APLF: variants seen among roughly 807,000 people sequenced by gnomAD.
The protein encoded by APLF is aprataxin and PNK-like factor.
In APLF, 61 loss-of-function variants were observed where a neutral mutation model predicts 55.6. That is an observed-to-expected ratio of 1.10 (90% confidence interval 0.89 to 1.36). APLF has a LOEUF of 1.36. Among genes scored for constraint, APLF ranks in the 40% most tolerant of loss-of-function variants. The pLI is 0.00. For synonymous variants in APLF, 207 were observed against 214.8 expected, an observed-to-expected ratio of 0.96 and a Z score of 0.32; for missense variants, 611 against 602.5, an observed-to-expected ratio of 1.01 and a Z score of -0.15.
chr2:68,559,648 A>G (rs1671112941), intron 8 of APLF, among the ~76,000 whole-genome samples: 1 of 151,842 alleles, frequency 6.6e-6, no homozygotes, highest in African/African-American at 2.4e-5. Flanking sequence ...TGCCATTCCA[A>G]CCTTTAAAAT....
chr2:68,527,785 G>A (rs188487407), intron 6 of APLF, among the ~76,000 whole-genome samples: 328 of 150,488 alleles, frequency 2.2e-3, no homozygotes, highest in African/African-American at 7.5e-3. Flanking sequence ...GAGGGCGGGG[G>A]CCGGGCAGAG....
intron 8 of APLF, among the ~76,000 whole-genome samples, chr2:68,556,431 G>A (rs1671013169): frequency 6.6e-6 from 1 of 152,170 alleles, no homozygotes; most frequent in Admixed American, 6.5e-5. Context: ...CTGTTTATCA[G>A]AAGACTCACT....
intron 8 of APLF, among the ~76,000 whole-genome samples, chr2:68,557,060 T>G (rs1031071542): frequency 1.3e-5 from 2 of 152,202 alleles, no homozygotes; most frequent in African/African-American, 4.8e-5. Flanking sequence ...AATGTTATCT[T>G]AATTGACAGA....
intron 8 of APLF, among the ~76,000 whole-genome samples, chr2:68,563,515 C>G (rs1671219638): frequency 1.3e-5 from 2 of 151,964 alleles, no homozygotes; most frequent in African/African-American, 2.4e-5. Context: ...GAACCCCACT[C>G]CCCCACTTTG....
rs114391098 is a variant in APLF at position 68,537,959 on chromosome 2, A to G, written c.892A>G (p.Ile298Val). 1.1e-5 allele frequency: 18 copies of G among 1,613,862 alleles called. No individual in the cohort carries two copies. The African/African-American group carries it at 1.9e-4, about 17-fold the overall frequency. Residue 298 changes from isoleucine (I) to valine (V), a missense_variant, in exon 7 of 10, where the codon ATA (isoleucine) becomes GTA (valine). Physicochemically the swap from Ile to Val is conservative, Grantham distance 29. Transcript: ENST00000303795. ...KTNAQRNKLPIEELGKVSKHK... is the reference protein window; with the variant it reads ...KTNAQRNKLPVEELGKVSKHK... ...TAATGCACAGAGAAACAAACTTCCAATAGAGGAACTTGGTAAAGTTTCTAA... is the reference window on the plus strand; with the variant it reads ...TAATGCACAGAGAAACAAACTTCCAGTAGAGGAACTTGGTAAAGTTTCTAA...
At chr2:68,481,017 A>G (rs1321393575) in intron 1 of APLF, among the ~76,000 whole-genome samples, 1 of 151,860 alleles carries the variant, frequency 6.6e-6, no homozygotes, top group Non-Finnish European at 1.5e-5. Flanking sequence ...GTTTGCTAGT[A>G]TTTTTTTGAG....
chr2:68,570,792 T>G (rs1457547464), intron 9 of APLF, among the ~76,000 whole-genome samples: 5 of 152,262 alleles, frequency 3.3e-5, no homozygotes, highest in African/African-American at 7.2e-5. Flanking sequence ...ATGATTTATA[T>G]TCCTTTGGGT....
chr2:68,568,344 T>G, intron 9 of APLF: 1 of 977,722 alleles, frequency 1.0e-6, no homozygotes, highest in Non-Finnish European at 1.2e-6. Flanking sequence ...AGCTGACTTG[T>G]AATCAAGTAA....
intron 2 of APLF, among the ~76,000 whole-genome samples, chr2:68,493,152 A>T (rs75275544): frequency 6.6e-6 from 1 of 152,148 alleles, no homozygotes; most frequent in Non-Finnish European, 1.5e-5. Context: ...CTAATTGATG[A>T]TCTGTCTTAA....
At chr2:68,539,292 G>T (rs186992990) in intron 7 of APLF, among the ~76,000 whole-genome samples, 23 of 152,268 alleles carry the variant, frequency 1.5e-4, no homozygotes, top group Admixed American at 1.4e-3. Context: ...ACCAGATTGG[G>T]TGCTTAAAAA....
Position 68,579,335 on chromosome 2 carries a change from T to A in APLF, c.*1313T>A, listed in dbSNP as rs1223631039. ...TTGGGAACTATTTTTCCCCTTATAATGTCCCTTTAGCCTTGGTAGTATAAC... is the reference window on the plus strand; with the variant it reads ...TTGGGAACTATTTTTCCCCTTATAAAGTCCCTTTAGCCTTGGTAGTATAAC... On this transcript the variant is annotated 3_prime_UTR_variant, in exon 10 of 10. Transcript: ENST00000303795. The A allele has an allele frequency of 2.1e-6, 2 of 949,530 alleles. No homozygotes were observed. The highest frequency in any genetic ancestry group is 1.2e-4 in the Admixed American group (2 of 16,178). 58.8% of individuals were successfully genotyped at this position (949,530 alleles called of 1,614,324 possible). A position where few individuals can be genotyped will look rare whatever the true frequency, so the allele number is the denominator to read the frequency against.
At chr2:68,476,259 G>A (rs974326556) in intron 1 of APLF, among the ~76,000 whole-genome samples, 1 of 152,020 alleles carries the variant, frequency 6.6e-6, no homozygotes, top group Admixed American at 6.6e-5. Context: ...GCCGAGACGG[G>A]CAGATCACCT....
intron 1 of APLF, among the ~76,000 whole-genome samples, chr2:68,488,583 A>G (rs977976288): frequency 6.6e-6 from 1 of 151,894 alleles, no homozygotes; most frequent in South Asian, 2.1e-4. Context: ...GAGTCTTCCC[A>G]CTTCAGCCTC....
At chr2:68,526,036 T>TC (rs1670036318) in intron 5 of APLF, 25 bp from the exon 6 acceptor site, 3 of 1,568,432 alleles carry the variant, frequency 1.9e-6, no homozygotes, top group Non-Finnish European at 2.6e-6. Context: ...AAGATAATTT[T>TC]CTTCTTTTTC....
chr2:68,488,225 A>G (rs1676244180), intron 1 of APLF, among the ~76,000 whole-genome samples: 1 of 152,108 alleles, frequency 6.6e-6, no homozygotes, highest in South Asian at 2.1e-4. Flanking sequence ...TTGGTACCCA[A>G]GTCAGAAATA....
chr2:68,525,809 G>A (rs1670027250), intron 5 of APLF, among the ~76,000 whole-genome samples: 1 of 132,170 alleles, frequency 7.6e-6, no homozygotes, highest in Admixed American at 8.5e-5. Flanking sequence ...GAGTGCAGTG[G>A]TGTGATCTCG....
intron 8 of APLF, among the ~76,000 whole-genome samples, chr2:68,553,006 A>G (rs1670908340): frequency 6.6e-6 from 1 of 152,106 alleles, no homozygotes; most frequent in Non-Finnish European, 1.5e-5. Flanking sequence ...CTGCTTTAAA[A>G]ATAAGGGGAT....
chr2:68,467,736 C>G lies in APLF; in HGVS notation c.5C>G (p.Ser2Cys). Residue 2 changes from serine (S) to cysteine (C), a missense_variant, in exon 1 of 10, where the codon TCC becomes TGC. Physicochemically the swap from Ser to Cys is moderately radical, Grantham distance 112 (BLOSUM62 -1). Coordinates refer to ENST00000303795, the MANE Select transcript of APLF (RefSeq NM_173545.3). ...GGGGCCTAATCCTTGCCCGCCATGT[C>G]CGGGGGCTTCGAGCTGCAGCCGCGG... M[S>C]GGFELQPRDG... The G allele has an allele frequency of 1.6e-6, 2 of 1,235,006 alleles. No homozygotes were observed. The highest frequency in any genetic ancestry group is 2.0e-6 in the Non-Finnish European group (2 of 988,028). The allele number at this position is 1,235,006 out of a possible 1,614,324, so 76.5% of individuals were successfully genotyped here.
At chr2:68,562,766 A>G (rs1405553521) in intron 8 of APLF, among the ~76,000 whole-genome samples, 1 of 152,076 alleles carries the variant, frequency 6.6e-6, no homozygotes, top group Non-Finnish European at 1.5e-5. Context: ...TGAGCTGCTA[A>G]TAATTGGCAC....
Sources: allele counts gnomAD v4.1 joint callset (sites outside exome capture counted in the v4.1 genomes callset), GRCh38; gene constraint gnomAD v4.1.1; transcripts MANE v1.5; gene names NCBI Gene and HGNC (gene_info 2026-07-23, HGNC 2026-07-21).